Variants in GRIK4 observed in about 807,000 individuals in gnomAD.
The protein encoded by GRIK4 is glutamate ionotropic receptor kainate type subunit 4.
A neutral mutation model predicts 104.9 loss-of-function variants in GRIK4; 40 were observed. That is an observed-to-expected ratio of 0.38 (90% CI 0.30 to 0.50). The LOEUF (loss-of-function observed/expected upper bound fraction) is 0.50. Ranked by LOEUF, GRIK4 falls within the 20% of genes least tolerant of loss-of-function variation. The pLI is 0.93. For missense variants in GRIK4, 1,047 were observed against 1,308.1 expected (o/e 0.80, Z 3.08); for synonymous variants, 485 against 524.9 (o/e 0.92, Z 1.04).
intron 1 of GRIK4, among the ~76,000 whole-genome samples, chr11:120,521,614 T>C (rs1468996027): frequency 2.6e-5 from 4 of 152,206 alleles, no homozygotes; most frequent in African/African-American, 7.2e-5. Flanking sequence ...TCTGCCACCC[T>C]GTGCCTTCCA....
chr11:120,670,256 T>G (rs1949991668), intron 3 of GRIK4, among the ~76,000 whole-genome samples: 1 of 148,300 alleles, frequency 6.7e-6, no homozygotes, highest in Non-Finnish European at 1.5e-5. Context: ...TTTCCCTGCC[T>G]CTTTCTTGCC....
chr11:120,708,265 C>T lies in GRIK4; in HGVS notation c.82+47865C>T, dbSNP rs568905324. Among the ~76,000 whole-genome samples, 16 of 152,208 alleles carry T rather than the reference C, an allele frequency of 1.1e-4. 1 individual carries two copies. In the South Asian group the frequency reaches 2.5e-3, roughly 24 times the overall value. On this transcript the variant is annotated intron_variant, in intron 3 of 20. Transcript: ENST00000527524. ...TCTTGCCATGGGCACGTGGAAAGAT[C>T]CTAACTGTAGCGCCTGATGTGTTTC...
chr11:120,916,737 C>T (rs762834868), intron 13 of GRIK4, among the ~76,000 whole-genome samples: 3 of 152,194 alleles, frequency 2.0e-5, no homozygotes, highest in Non-Finnish European at 2.9e-5. Flanking sequence ...CTTCAGGCTA[C>T]GTGTCTAAGG....
At chr11:120,518,023 G>A (rs1000316739) in intron 1 of GRIK4, among the ~76,000 whole-genome samples, 1 of 152,216 alleles carries the variant, frequency 6.6e-6, no homozygotes, top group African/African-American at 2.4e-5. Flanking sequence ...GGGGAAGCCG[G>A]TATTGGCCGG....
At chr11:120,892,035 T>C (rs1955315934) in intron 11 of GRIK4, among the ~76,000 whole-genome samples, 1 of 151,780 alleles carries the variant, frequency 6.6e-6, no homozygotes, top group Non-Finnish European at 1.5e-5. Context: ...AAATAGGGAG[T>C]GGGCTGCATT....
At chr11:120,628,564 G>A (rs1949289303) in intron 1 of GRIK4, among the ~76,000 whole-genome samples, 1 of 152,220 alleles carries the variant, frequency 6.6e-6, no homozygotes, top group African/African-American at 2.4e-5. Context: ...CTTGTGCAGA[G>A]AGGGATAGCC....
intron 3 of GRIK4, among the ~76,000 whole-genome samples, chr11:120,663,598 C>T (rs954420251): frequency 4.6e-5 from 7 of 152,196 alleles, no homozygotes; most frequent in African/African-American, 1.4e-4. Flanking sequence ...TATTTGTTAA[C>T]TGAATGAACG....
chr11:120,750,574 G>C (rs1390878971), intron 3 of GRIK4, among the ~76,000 whole-genome samples: 25 of 151,910 alleles, frequency 1.6e-4, no homozygotes, highest in Admixed American at 1.6e-3. Flanking sequence ...TTGCCATGTT[G>C]GCCAGGCTGG....
chr11:120,564,990 G>A (rs1356931764), intron 1 of GRIK4, among the ~76,000 whole-genome samples: 1 of 152,224 alleles, frequency 6.6e-6, no homozygotes, highest in South Asian at 2.1e-4. Flanking sequence ...GGGGTGGGGG[G>A]GGTGGGGTGT....
intron 3 of GRIK4, among the ~76,000 whole-genome samples, chr11:120,784,900 C>A (rs1303740468): frequency 6.6e-6 from 1 of 152,186 alleles, no homozygotes; most frequent in Admixed American, 6.5e-5. Flanking sequence ...ATCTACCCCA[C>A]TGGTGCCTGG....
intron 9 of GRIK4, among the ~76,000 whole-genome samples, chr11:120,862,671 C>T (rs1954293259): frequency 6.6e-6 from 1 of 152,142 alleles, no homozygotes; most frequent in Non-Finnish European, 1.5e-5. Flanking sequence ...CTGCCCAGTC[C>T]CTCTGCTTCC....
intron 20 of GRIK4, among the ~76,000 whole-genome samples, chr11:120,984,984 A>G: frequency 6.6e-6 from 1 of 151,746 alleles, no homozygotes; most frequent in South Asian, 2.1e-4. Flanking sequence ...ACACGCCACC[A>G]CGCCCAGCTA....
chr11:120,949,655 T>C (rs1943951838), intron 14 of GRIK4, among the ~76,000 whole-genome samples: 1 of 151,882 alleles, frequency 6.6e-6, no homozygotes. Flanking sequence ...GGAGAAGGCG[T>C]GGGATTAATT....
At chr11:120,619,693 C>T (rs921360219) in intron 1 of GRIK4, among the ~76,000 whole-genome samples, 2 of 152,070 alleles carry the variant, frequency 1.3e-5, no homozygotes, top group Non-Finnish European at 2.9e-5. Context: ...TGTGTGGCAC[C>T]TCCCCTACTC....
At chr11:120,768,989 G>T (rs143841915) in intron 3 of GRIK4, among the ~76,000 whole-genome samples, 16 of 152,230 alleles carry the variant, frequency 1.1e-4, no homozygotes, top group Admixed American at 7.2e-4. Flanking sequence ...AGAGATATTG[G>T]CCTGTAGTTT....
intron 11 of GRIK4, among the ~76,000 whole-genome samples, chr11:120,892,634 C>G (rs969751123): frequency 3.3e-5 from 5 of 152,134 alleles, no homozygotes; most frequent in African/African-American, 1.2e-4. Flanking sequence ...GTGGTCCTGG[C>G]CCCTGGGTGC....
intron 3 of GRIK4, among the ~76,000 whole-genome samples, chr11:120,727,750 TTAGAAA>T (rs1042171359): frequency 2.0e-5 from 3 of 151,562 alleles, no homozygotes; most frequent in Non-Finnish European, 2.9e-5. Context: ...CAAGAAAGAA[TTAGAAA>T]TAGAAGGAAA....
intron 15 of GRIK4, among the ~76,000 whole-genome samples, chr11:120,955,091 G>A (rs1944111449): frequency 6.6e-6 from 1 of 152,246 alleles, no homozygotes; most frequent in Non-Finnish European, 1.5e-5. Context: ...CCATTCCCAA[G>A]AGAGCTGATC....
Position 120,524,071 on chromosome 11 carries a change from C to T in GRIK4, c.-159+12184C>T, listed in dbSNP as rs558341545. ...CCTCCCGAGTAGCTGGGACTACAGGCGCACACCACCATGCCTGGCTAATTT... is the reference window on the plus strand; with the variant it reads ...CCTCCCGAGTAGCTGGGACTACAGGTGCACACCACCATGCCTGGCTAATTT... On this transcript the variant is annotated intron_variant, in intron 1 of 20. Transcript: ENST00000527524. This position sits in a 1 kb window ranked among gnomAD's most constrained non-coding sequence, Gnocchi z 4.5. Among the ~76,000 whole-genome samples the T allele has an allele frequency of 5.3e-5, 8 of 152,208 alleles. No individual in the cohort carries two copies. The East Asian group carries it at 9.7e-4, about 18-fold the overall frequency.
Sources: gnomAD v4.1 joint callset for allele counts (sites outside exome capture counted in the v4.1 genomes callset) on GRCh38, gnomAD v4.1.1 for gene constraint, Gnocchi (gnomAD v3.1) non-coding constraint, MANE v1.5 for transcripts, NCBI Gene and HGNC (gene_info 2026-07-23, HGNC 2026-07-21) for gene names.